TRIO: variants seen among roughly 807,000 people sequenced by gnomAD.
TRIO encodes the protein triple functional domain protein.
TRIO carries 58 observed loss-of-function variants against 351.9 expected under a neutral mutation model. That is an observed-to-expected ratio of 0.16 (90% CI 0.13 to 0.21). The LOEUF is 0.21. Among genes scored for constraint, TRIO ranks in the 10% least tolerant of loss-of-function variants. The pLI, the probability that TRIO is intolerant of heterozygous loss-of-function variation, is 1.00. For synonymous variants in TRIO, 1,758 were observed against 1,595.7 expected (o/e 1.10, Z -2.42); for missense variants, 3,201 against 4,027.8 (o/e 0.79, Z 5.56).
At chr5:14,468,121 G>C (rs957091606) in intron 37 of TRIO, among the ~76,000 whole-genome samples, 6 of 151,562 alleles carry the variant, frequency 4.0e-5, no homozygotes, top group Non-Finnish European at 7.4e-5. Flanking sequence ...TGATTCATTT[G>C]TAATTAATTC....
At chr5:14,475,829 C>T (rs796293973) in intron 40 of TRIO, among the ~76,000 whole-genome samples, 34 of 96,706 alleles carry the variant, frequency 3.5e-4, no homozygotes, top group African/African-American at 9.4e-4. Flanking sequence ...ATGCTGTCTG[C>T]GCAGCGGGGA....
rs10065968 is a variant in TRIO, at chr5:14,499,401, C to T, written c.8332+761C>T. On this transcript the variant is annotated intron_variant, in intron 53 of 56. Transcript: ENST00000344204. ...GAAAGGTGTGGACTGTTCTCTGCTG[C>T]CATCTTGCAGAAGGCCGGCCATGCA... 5.2e-3 allele frequency among the ~76,000 whole-genome samples: 789 copies of T among 152,326 alleles called. 10 individuals carry two copies. The highest frequency in any genetic ancestry group is 0.018 in the African/African-American group (735 of 41,560).
intron 2 of TRIO, among the ~76,000 whole-genome samples, chr5:14,278,146 C>A (rs1735702130): frequency 6.6e-6 from 1 of 152,214 alleles, no homozygotes; most frequent in South Asian, 2.1e-4. Flanking sequence ...ATACTGCTCA[C>A]TAGTGCTACC....
At chr5:14,504,193 C>T (rs560944198) in intron 54 of TRIO, among the ~76,000 whole-genome samples, 200 bp from the exon 55 acceptor site, 1 of 152,338 alleles carries the variant, frequency 6.6e-6, no homozygotes, top group Admixed American at 6.5e-5. Flanking sequence ...GAAGGACCAG[C>T]AGAACCGCGT....
intron 34 of TRIO, among the ~76,000 whole-genome samples, chr5:14,444,010 TC>T (rs1295735450): frequency 6.6e-6 from 1 of 152,060 alleles, no homozygotes; most frequent in African/African-American, 2.4e-5. Flanking sequence ...CTGGTGACTC[TC>T]CTTAACACTG....
chr5:14,261,015 C>T (rs1414375264), intron 1 of TRIO, among the ~76,000 whole-genome samples: 2 of 152,214 alleles, frequency 1.3e-5, no homozygotes, highest in Non-Finnish European at 2.9e-5. Context: ...CACCTACCCC[C>T]TCCTTAAACC....
chr5:14,217,626 G>A (rs1019348664), intron 1 of TRIO, among the ~76,000 whole-genome samples: 9 of 152,160 alleles, frequency 5.9e-5, no homozygotes, highest in Non-Finnish European at 8.8e-5. Flanking sequence ...GATGACAAGG[G>A]CATACCTGAC....
chr5:14,231,844 ATTTTT>A (rs200567229), intron 1 of TRIO, among the ~76,000 whole-genome samples: 80 of 145,032 alleles, frequency 5.5e-4, no homozygotes, highest in Non-Finnish European at 6.1e-4. Context: ...CCAGTGACTG[ATTTTT>A]TTTTTTTTTT....
chr5:14,198,932 ATCTTATCTT>A (rs761309544), intron 1 of TRIO, among the ~76,000 whole-genome samples: 14 of 152,080 alleles, frequency 9.2e-5, no homozygotes, highest in Non-Finnish European at 1.9e-4. Context: ...CAATGGAAAA[ATCTTATCTT>A]AAAAGTACCT....
At chr5:14,432,826 T>C (rs554460769) in intron 34 of TRIO, among the ~76,000 whole-genome samples, 298 of 152,328 alleles carry the variant, frequency 2.0e-3, no homozygotes, top group Non-Finnish European at 3.1e-3. Context: ...AATCAGCTGC[T>C]TGTTCTCCTT....
chr5:14,417,476 C>T (rs1749741864), intron 33 of TRIO, among the ~76,000 whole-genome samples: 1 of 152,228 alleles, frequency 6.6e-6, no homozygotes, highest in Non-Finnish European at 1.5e-5. Context: ...AAGGGGGCAG[C>T]CCCAGAACAC....
chr5:14,337,891 G>A (rs1741572205), intron 11 of TRIO, among the ~76,000 whole-genome samples: 1 of 152,132 alleles, frequency 6.6e-6, no homozygotes, highest in Non-Finnish European at 1.5e-5. Context: ...TGGCTCTCTC[G>A]ATCCTTTCTG....
chr5:14,202,294 A>ATTT (rs60827656), intron 1 of TRIO, among the ~76,000 whole-genome samples: 3 of 33,532 alleles, frequency 8.9e-5, no homozygotes, highest in Non-Finnish European at 1.2e-4. Context: ...TATTTTTGTG[A>ATTT]TTTTTTTTTT....
In TRIO at chr5:14,479,943, A is replaced by G. The variant is rs777656961; in HGVS notation, c.6268A>G (p.Arg2090Gly). 1 of 1,614,028 alleles carries G rather than the reference A, an allele frequency of 6.2e-7. No individual in the cohort carries two copies. Among genetic ancestry groups the G allele is most frequent in the Non-Finnish European group, 8.5e-7 (1 of 1,179,892 alleles). Residue 2090 changes from arginine (R) to glycine (G), a missense_variant, in exon 43 of 57, where the codon AGG becomes GGG. Arg to Gly is a moderately radical substitution (Grantham distance 125). Transcript: ENST00000344204. ...GGACTTAAAGCAGCGTCTTGGCCAC[A>G]GGTTACAGCTCACAGATCTGTTGAT... ...FEDLKQRLGH[R>G]LQLTDLLIKP...
chr5:14,207,634 C>T (rs1791626609), intron 1 of TRIO, among the ~76,000 whole-genome samples: 1 of 151,480 alleles, frequency 6.6e-6, no homozygotes, highest in African/African-American at 2.4e-5. Context: ...TTCAGCCCAG[C>T]AGTTCAAGGT....
At chr5:14,388,766 T>A in intron 24 of TRIO, 87 bp downstream of exon 24, 14 of 1,420,318 alleles carry the variant, frequency 9.9e-6, no homozygotes, top group Non-Finnish European at 1.3e-5. Flanking sequence ...TGGTAGTCCT[T>A]AGAATAATCA....
At chr5:14,197,884 G>C (rs1428086723) in intron 1 of TRIO, among the ~76,000 whole-genome samples, 1 of 152,178 alleles carries the variant, frequency 6.6e-6, no homozygotes, top group African/African-American at 2.4e-5. Context: ...AAGCATGCCT[G>C]CTTTTTGTTC....
chr5:14,443,994 C>T (rs1752254752), intron 34 of TRIO, among the ~76,000 whole-genome samples: 1 of 152,106 alleles, frequency 6.6e-6, no homozygotes, highest in Non-Finnish European at 1.5e-5. Flanking sequence ...TCAGGAAAAA[C>T]ATAATCTGGT....
intron 48 of TRIO, among the ~76,000 whole-genome samples, chr5:14,491,880 C>T (rs1579818634): frequency 6.6e-6 from 1 of 152,172 alleles, no homozygotes; most frequent in East Asian, 1.9e-4. Flanking sequence ...GGCAGCAGAG[C>T]CTTGGGGACA....
Sources: allele counts gnomAD v4.1 joint callset (sites outside exome capture counted in the v4.1 genomes callset), GRCh38; gene constraint gnomAD v4.1.1; transcripts MANE v1.5; gene names NCBI Gene and HGNC (gene_info 2026-07-23, HGNC 2026-07-21).